CFAP299: variants seen among roughly 807,000 people sequenced by gnomAD.
The protein encoded by CFAP299 is cilia and flagella associated protein 299, also known as cilia- and flagella-associated protein 299.
Under a neutral mutation model 27.0 loss-of-function variants are expected in CFAP299, and 21 were observed. The ratio of observed to expected loss-of-function variants is 0.78; its 90% CI spans 0.55 to 1.12. The LOEUF (loss-of-function observed/expected upper bound fraction) is 1.12. Ranked by LOEUF, CFAP299 falls within the 50% of genes most tolerant of loss-of-function variation. The pLI is 0.00. For synonymous variants in CFAP299, 104 were observed against 98.1 expected (o/e 1.06, Z -0.36); for missense variants, 310 against 276.6 (o/e 1.12, Z -0.86).
At chr4:80,826,601 A>C (rs990733874) in intron 3 of CFAP299, among the ~76,000 whole-genome samples, 1 of 151,846 alleles carries the variant, frequency 6.6e-6, no homozygotes, top group Non-Finnish European at 1.5e-5. Context: ...AGATATAGAC[A>C]GTTCCACAGT....
intron 2 of CFAP299, among the ~76,000 whole-genome samples, chr4:80,578,332 A>G (rs1735978481): frequency 6.6e-6 from 1 of 152,214 alleles, no homozygotes; most frequent in Non-Finnish European, 1.5e-5. Flanking sequence ...ATTAACTTTC[A>G]TTCTTTTCCA....
intron 3 of CFAP299, among the ~76,000 whole-genome samples, chr4:80,625,590 A>C (rs1455294003): frequency 6.6e-6 from 1 of 152,010 alleles, no homozygotes; most frequent in Non-Finnish European, 1.5e-5. Flanking sequence ...AGATAGCTGA[A>C]TGAATTTAAA....
chr4:80,697,849 G>T (rs2110023959), intron 3 of CFAP299, among the ~76,000 whole-genome samples: 1 of 152,322 alleles, frequency 6.6e-6, no homozygotes, highest in East Asian at 1.9e-4. Context: ...TGACACCGAA[G>T]ATAATTTGGA....
At chr4:80,576,188 A>T (rs1735842742) in intron 2 of CFAP299, among the ~76,000 whole-genome samples, 1 of 134,332 alleles carries the variant, frequency 7.4e-6, no homozygotes, top group Non-Finnish European at 1.6e-5. Context: ...GTATAATAAT[A>T]AAAAAAAAAA....
In CFAP299 at chr4:80,555,482, G is replaced by A. The variant is rs543461538; in HGVS notation, c.243-27611G>A. Reference sequence around the variant, plus strand: ...TTCCTTTTTGTTGTGTCTCTGCAAGGTTTTGGTATCAAGATGATGCTGGCC... The same window carrying A: ...TTCCTTTTTGTTGTGTCTCTGCAAGATTTTGGTATCAAGATGATGCTGGCC... On this transcript the variant is annotated intron_variant, in intron 2 of 5. Coordinates refer to ENST00000358105, the MANE Select transcript of CFAP299 (RefSeq NM_152770.3). Among the ~76,000 whole-genome samples, 12 of 152,204 alleles carry A rather than the reference G, an allele frequency of 7.9e-5. No individual in the cohort carries two copies. The South Asian group carries it at 2.5e-3, about 32-fold the overall frequency.
chr4:80,365,204 CCCA>C (rs1723766267), intron 2 of CFAP299, among the ~76,000 whole-genome samples: 1 of 152,166 alleles, frequency 6.6e-6, no homozygotes, highest in South Asian at 2.1e-4. Context: ...AATTTACACT[CCCA>C]CCAACAGTGT....
chr4:80,414,421 A>G (rs1302040674), intron 2 of CFAP299, among the ~76,000 whole-genome samples: 1 of 152,194 alleles, frequency 6.6e-6, no homozygotes, highest in Non-Finnish European at 1.5e-5. Context: ...AGAGAAGAGT[A>G]TCATTCCCAA....
At chr4:80,392,492 C>T (rs937443344) in intron 2 of CFAP299, among the ~76,000 whole-genome samples, 2 of 152,104 alleles carry the variant, frequency 1.3e-5, no homozygotes, top group African/African-American at 2.4e-5. Flanking sequence ...GTGGTTCCTC[C>T]ATGCTGTTCT....
chr4:80,851,829 A>T (rs1375040177), intron 3 of CFAP299, among the ~76,000 whole-genome samples: 2 of 152,056 alleles, frequency 1.3e-5, no homozygotes, highest in Non-Finnish European at 2.9e-5. Context: ...TCTCTGGCAC[A>T]TTGTTATGTT....
chr4:80,930,421 T>G (rs1368951787), intron 4 of CFAP299, among the ~76,000 whole-genome samples: 5 of 152,120 alleles, frequency 3.3e-5, no homozygotes, highest in African/African-American at 1.2e-4. Context: ...AGCTAATCAG[T>G]TGGAAGCACA....
intron 1 of CFAP299, among the ~76,000 whole-genome samples, chr4:80,358,092 T>C (rs1471803462): frequency 6.6e-6 from 1 of 152,198 alleles, no homozygotes; most frequent in Non-Finnish European, 1.5e-5. Flanking sequence ...AATTTCATTA[T>C]TTACTGAAAA....
chr4:80,772,548 AT>A (rs57377935), intron 3 of CFAP299, among the ~76,000 whole-genome samples: 5,462 of 149,616 alleles, frequency 0.037, 211 homozygotes, highest in African/African-American at 0.089. Context: ...AATAGGCACT[AT>A]TTTTTTTTTA....
chr4:80,670,231 A>G (rs1454551361), intron 3 of CFAP299, among the ~76,000 whole-genome samples: 1 of 151,914 alleles, frequency 6.6e-6, no homozygotes, highest in African/African-American at 2.4e-5. Flanking sequence ...GTATGAAAAC[A>G]TGCAGTGTTT....
chr4:80,600,365 A>C (rs1204201288), intron 3 of CFAP299, among the ~76,000 whole-genome samples: 1 of 152,052 alleles, frequency 6.6e-6, no homozygotes, highest in African/African-American at 2.4e-5. Context: ...TCAGGATGTT[A>C]TATTACATCC....
chr4:80,800,049 TA>T (rs1388744043), intron 3 of CFAP299, among the ~76,000 whole-genome samples: 1 of 64,494 alleles, frequency 1.6e-5, no homozygotes, highest in East Asian at 5.2e-4. Context: ...TAATATATAA[TA>T]AATGCTATAA....
chr4:80,411,058 T>C (rs1431558378), intron 2 of CFAP299, among the ~76,000 whole-genome samples: 2 of 152,192 alleles, frequency 1.3e-5, no homozygotes, highest in African/African-American at 4.8e-5. Context: ...ATTAAGTTGC[T>C]CTTCTCCACT....
At chr4:80,857,538 T>G (rs967732645) in intron 3 of CFAP299, among the ~76,000 whole-genome samples, 24 of 152,158 alleles carry the variant, frequency 1.6e-4, no homozygotes, top group Admixed American at 5.2e-4. Flanking sequence ...TATTGGCTGT[T>G]GGTTTGTCAT....
At chr4:80,437,130 C>A (rs1325151686) in intron 2 of CFAP299, among the ~76,000 whole-genome samples, 1 of 152,006 alleles carries the variant, frequency 6.6e-6, no homozygotes, top group African/African-American at 2.4e-5. Context: ...GTGAATTATC[C>A]TACATAAATA....
intron 3 of CFAP299, among the ~76,000 whole-genome samples, chr4:80,587,489 C>T (rs543451979): frequency 6.6e-6 from 1 of 152,276 alleles, no homozygotes; most frequent in Admixed American, 6.5e-5. Flanking sequence ...TGAGTTTCCC[C>T]ACCCAAAGTA....
Sources: allele counts gnomAD v4.1 joint callset (sites outside exome capture counted in the v4.1 genomes callset), GRCh38; gene constraint gnomAD v4.1.1; transcripts MANE v1.5; gene names NCBI Gene and HGNC (gene_info 2026-07-23, HGNC 2026-07-21).